Variants in OLFM3 observed in about 807,000 individuals in gnomAD.
OLFM3 encodes the protein olfactomedin 3.
Under a neutral mutation model 48.6 loss-of-function variants are expected in OLFM3, and 20 were observed. That is an observed-to-expected ratio of 0.41 (90% CI 0.29 to 0.60). The LOEUF is 0.60. Among genes scored for constraint, OLFM3 ranks in the 20% least tolerant of loss-of-function variants. OLFM3 has a pLI of 0.28. For missense variants in OLFM3, 437 were observed against 544.3 expected (o/e 0.80, Z 1.96); for synonymous variants, 222 against 198.1 (o/e 1.12, Z -1.01).
At chr1:101,861,216 A>G (rs1656641865) in intron 1 of OLFM3, among the ~76,000 whole-genome samples, 1 of 151,904 alleles carries the variant, frequency 6.6e-6, no homozygotes, top group Admixed American at 6.6e-5. Context: ...CACCCACCAC[A>G]GCACCTGGAC....
chr1:101,808,720 C>T (rs1854169), intron 4 of OLFM3, among the ~76,000 whole-genome samples: 126,369 of 151,822 alleles, frequency 0.83, 52,846 homozygotes, highest in East Asian at 0.93. Flanking sequence ...ACAGAAAGAA[C>T]TGCCAAGCCC....
intron 1 of OLFM3, among the ~76,000 whole-genome samples, chr1:101,951,577 A>AT (rs1310832099): frequency 6.6e-6 from 1 of 152,020 alleles, no homozygotes; most frequent in Non-Finnish European, 1.5e-5. Context: ...CTTAGGTTCT[A>AT]TTTTTTCCCT....
chr1:101,872,799 A>G (rs113706085), intron 1 of OLFM3, among the ~76,000 whole-genome samples: 272 of 152,070 alleles, frequency 1.8e-3, no homozygotes, highest in African/African-American at 5.8e-3. Context: ...TTAGATTTCA[A>G]AAGGCTTGTT....
At chr1:101,994,579 G>C (rs1260362467) in intron 1 of OLFM3, among the ~76,000 whole-genome samples, 1 of 147,874 alleles carries the variant, frequency 6.8e-6, no homozygotes, top group Non-Finnish European at 1.5e-5. Context: ...TTTTTGGGGG[G>C]GAGCAATATA....
chr1:101,964,747 T>A (rs549068605), intron 1 of OLFM3, among the ~76,000 whole-genome samples: 1 of 152,298 alleles, frequency 6.6e-6, no homozygotes, highest in Non-Finnish European at 1.5e-5. Flanking sequence ...TAATTCTGAG[T>A]TAAAGAAAGT....
chr1:101,985,541 A>G (rs922692729), intron 1 of OLFM3, among the ~76,000 whole-genome samples: 1 of 152,248 alleles, frequency 6.6e-6, no homozygotes, highest in African/African-American at 2.4e-5. Flanking sequence ...TATCGGAAAC[A>G]TATAGACAGA....
intron 1 of OLFM3, chr1:101,837,787 C>T (rs771326293): frequency 2.6e-5 from 4 of 152,206 alleles, no homozygotes; most frequent in African/African-American, 4.8e-5. Context: ...CTGTGTGCGT[C>T]GTGCAAGCAT....
chr1:101,974,165 A>AG (rs1399856701), intron 1 of OLFM3, among the ~76,000 whole-genome samples: 1 of 152,148 alleles, frequency 6.6e-6, no homozygotes, highest in Non-Finnish European at 1.5e-5. Context: ...ATGCTAAAAA[A>AG]AAAAAATGAC....
chr1:101,974,127 A>G (rs1204698530), intron 1 of OLFM3, among the ~76,000 whole-genome samples: 1 of 151,894 alleles, frequency 6.6e-6, no homozygotes, highest in South Asian at 2.1e-4. Context: ...TAACACTAAC[A>G]AAAAATTTAG....
chr1:101,846,618 A>T (rs1008997413), intron 1 of OLFM3, among the ~76,000 whole-genome samples: 22 of 152,116 alleles, frequency 1.4e-4, no homozygotes, highest in African/African-American at 5.3e-4. Flanking sequence ...TAAGAATTTA[A>T]TGACTCTGGT....
intron 4 of OLFM3, 49 bp from the exon 5 acceptor site, chr1:101,806,231 C>A (rs376626442): frequency 7.4e-5 from 101 of 1,372,774 alleles, no homozygotes; most frequent in Non-Finnish European, 8.9e-5. Flanking sequence ...GCCAATGATT[C>A]CAATACGCAT....
chr1:101,889,134 C>T lies in OLFM3; in HGVS notation c.70-52109G>A, dbSNP rs1233353424. 2.0e-5 allele frequency among the ~76,000 whole-genome samples: 3 copies of T among 152,136 alleles called. No homozygotes were observed. In the East Asian group the frequency reaches 5.8e-4, roughly 29 times the overall value. ...CTAGAACTAGAAATACCATTTGACC[C>T]AGCCATCCCATTACTGGGTATACAC... On this transcript the variant is annotated intron_variant, in intron 1 of 5. Transcript: ENST00000370103.
chr1:101,961,642 C>T (rs1392049382), intron 1 of OLFM3, among the ~76,000 whole-genome samples: 1 of 151,992 alleles, frequency 6.6e-6, no homozygotes, highest in African/African-American at 2.4e-5. Flanking sequence ...TATTTCAAAA[C>T]AGAGGAGATA....
intron 4 of OLFM3, among the ~76,000 whole-genome samples, chr1:101,822,135 G>A (rs1032965287): frequency 1.3e-5 from 2 of 151,974 alleles, no homozygotes; most frequent in South Asian, 2.1e-4. Context: ...TATTTGGGGG[G>A]TTACATGTGG....
chr1:101,925,102 A>G (rs1474163863), intron 1 of OLFM3, among the ~76,000 whole-genome samples: 2 of 152,198 alleles, frequency 1.3e-5, no homozygotes, highest in Non-Finnish European at 2.9e-5. Context: ...GACAGAGAAT[A>G]AGACCAGGTT....
At chr1:101,993,941 G>A (rs1661483999) in intron 1 of OLFM3, among the ~76,000 whole-genome samples, 1 of 143,640 alleles carries the variant, frequency 7.0e-6, no homozygotes, top group Non-Finnish European at 1.5e-5. Context: ...AGACCTGTAA[G>A]CTTCAGCGAC....
intron 1 of OLFM3, among the ~76,000 whole-genome samples, chr1:101,891,646 C>G (rs1209023161): frequency 6.6e-6 from 1 of 151,708 alleles, no homozygotes; most frequent in East Asian, 1.9e-4. Context: ...TAATTATATG[C>G]ATTAGATTAT....
intron 1 of OLFM3, among the ~76,000 whole-genome samples, chr1:101,885,160 A>C (rs1284459768): frequency 6.6e-6 from 1 of 151,990 alleles, no homozygotes; most frequent in African/African-American, 2.4e-5. Flanking sequence ...AAAACTATGA[A>C]AGAGATTGTG....
At chr1:101,840,874 G>T (rs971635195) in intron 1 of OLFM3, among the ~76,000 whole-genome samples, 3 of 152,118 alleles carry the variant, frequency 2.0e-5, no homozygotes, top group African/African-American at 7.2e-5. Context: ...TAGTTTAGTG[G>T]TACCCAAAGC....
Sources: allele counts gnomAD v4.1 joint callset (sites outside exome capture counted in the v4.1 genomes callset), GRCh38; gene constraint gnomAD v4.1.1; transcripts MANE v1.5; gene names NCBI Gene and HGNC (gene_info 2026-07-23, HGNC 2026-07-21).